PARD3B: variants seen among roughly 807,000 people sequenced by gnomAD.
PARD3B encodes par-3 family cell polarity regulator beta, also known as partitioning defective 3 homolog B.
PARD3B carries 103 observed loss-of-function variants against 130.2 expected under a neutral mutation model. The observed-to-expected ratio is 0.79, with a 90% CI of 0.67 to 0.93. The LOEUF is 0.93. Among genes scored for constraint, PARD3B ranks in the 40% least tolerant of loss-of-function variants. The pLI is 0.00. For synonymous variants in PARD3B, 583 were observed against 553.2 expected (o/e 1.05, Z -0.76); for missense variants, 1,609 against 1,499.2 (o/e 1.07, Z -1.21).
At chr2:204,629,294 C>T (rs1416083268) in intron 1 of PARD3B, among the ~76,000 whole-genome samples, 2 of 152,156 alleles carry the variant, frequency 1.3e-5, no homozygotes, top group Non-Finnish European at 2.9e-5. Flanking sequence ...TAGAGATTTG[C>T]CCCTTCCCTA....
At chr2:205,119,965 T>G (rs188464813) in intron 7 of PARD3B, among the ~76,000 whole-genome samples, 14 of 152,140 alleles carry the variant, frequency 9.2e-5, no homozygotes, top group African/African-American at 3.4e-4. Context: ...TAATAATCCT[T>G]GGGAGTCATC....
At chr2:205,576,512 T>C (rs1467601832) in intron 22 of PARD3B, among the ~76,000 whole-genome samples, 1 of 152,204 alleles carries the variant, frequency 6.6e-6, no homozygotes, top group Admixed American at 6.5e-5. Flanking sequence ...TTTTTGCATG[T>C]GGATGTCCAG....
At chr2:204,778,103 G>T (rs549311654) in intron 2 of PARD3B, among the ~76,000 whole-genome samples, 17 of 144,720 alleles carry the variant, frequency 1.2e-4, no homozygotes, top group Admixed American at 2.1e-4. Flanking sequence ...ATCTTGGGTA[G>T]TATCTTTATA....
rs577878598 is a variant in PARD3B at position 205,343,510 on chromosome 2, A to C, written c.2630+41809A>C. ...CCTACAGGGAAACTTGTGCTCCTTCAATTGTTTCTGCTGCCTTACACATAG... is the reference window on the plus strand; with the variant it reads ...CCTACAGGGAAACTTGTGCTCCTTCCATTGTTTCTGCTGCCTTACACATAG... On this transcript the variant is annotated intron_variant, in intron 18 of 22. Coordinates refer to ENST00000406610, the MANE Select transcript of PARD3B (RefSeq NM_001302769.2). Among the ~76,000 whole-genome samples the C allele has an allele frequency of 2.0e-4, 30 of 152,188 alleles. 1 individual carries two copies. Among genetic ancestry groups the C allele is most frequent in the South Asian group, 4.1e-4 (2 of 4,834 alleles).
intron 22 of PARD3B, among the ~76,000 whole-genome samples, chr2:205,573,309 A>G (rs1040832898): frequency 6.6e-6 from 1 of 152,140 alleles, no homozygotes; most frequent in Non-Finnish European, 1.5e-5. Flanking sequence ...TGTGGGCATC[A>G]AGAGAAAGAC....
intron 22 of PARD3B, among the ~76,000 whole-genome samples, chr2:205,599,347 A>G (rs1320079249): frequency 6.6e-6 from 1 of 152,230 alleles, no homozygotes; most frequent in East Asian, 1.9e-4. Context: ...CACTACATCT[A>G]AAAAGTCTAA....
At chr2:205,482,946 C>T (rs970959113) in intron 20 of PARD3B, among the ~76,000 whole-genome samples, 2 of 152,050 alleles carry the variant, frequency 1.3e-5, no homozygotes, top group African/African-American at 4.8e-5. Context: ...TCTGGACTTA[C>T]ATCTGTCCTC....
intron 2 of PARD3B, among the ~76,000 whole-genome samples, chr2:204,717,824 A>C (rs957531530): frequency 6.6e-6 from 1 of 152,090 alleles, no homozygotes; most frequent in Non-Finnish European, 1.5e-5. Context: ...AGTAGCACAG[A>C]TGTGGCTGCT....
intron 2 of PARD3B, among the ~76,000 whole-genome samples, chr2:204,727,960 G>GGA (rs2039312676): frequency 6.6e-6 from 1 of 152,098 alleles, no homozygotes; most frequent in African/African-American, 2.4e-5. Flanking sequence ...ATTGCAAAAG[G>GGA]GAGAGGCAGC....
intron 4 of PARD3B, among the ~76,000 whole-genome samples, chr2:205,060,811 T>G (rs1700022748): frequency 6.6e-6 from 1 of 152,168 alleles, no homozygotes; most frequent in Admixed American, 6.6e-5. Context: ...GCTTTTATTT[T>G]TAGCTTCTCA....
chr2:204,554,120 A>C (rs1181920151), intron 1 of PARD3B, among the ~76,000 whole-genome samples: 1 of 152,036 alleles, frequency 6.6e-6, no homozygotes, highest in South Asian at 2.1e-4. Context: ...TTTCCTATCT[A>C]TTGTCCATTC....
At chr2:205,109,204 C>A (rs1226998429) in intron 5 of PARD3B, among the ~76,000 whole-genome samples, 1 of 152,194 alleles carries the variant, frequency 6.6e-6, no homozygotes, top group East Asian at 1.9e-4. Flanking sequence ...TTTGCATCCT[C>A]AAGATATTTC....
chr2:204,729,959 A>G (rs2125336378), intron 2 of PARD3B, among the ~76,000 whole-genome samples: 1 of 150,370 alleles, frequency 6.7e-6, no homozygotes, highest in South Asian at 2.1e-4. Context: ...GTAAAGCATT[A>G]TTCTTTCTAC....
At chr2:205,611,051 C>G (rs1308686201) in intron 22 of PARD3B, among the ~76,000 whole-genome samples, 10 of 152,172 alleles carry the variant, frequency 6.6e-5, no homozygotes, top group Non-Finnish European at 5.9e-5. Context: ...CAGTTCCTTC[C>G]TTCAAGATGC....
chr2:205,615,435 T>G (rs1056005048), intron 22 of PARD3B, 21 bp from the exon 23 acceptor site: 1 of 1,557,280 alleles, frequency 6.4e-7, no homozygotes, highest in African/African-American at 1.4e-5. Context: ...TGCTAACATG[T>G]GTCTCTTCTT....
At chr2:205,489,503 A>G (rs2049589592) in intron 20 of PARD3B, among the ~76,000 whole-genome samples, 1 of 144,446 alleles carries the variant, frequency 6.9e-6, no homozygotes, top group African/African-American at 2.5e-5. Context: ...GTGTGTATAT[A>G]TATATACGTA....
intron 20 of PARD3B, among the ~76,000 whole-genome samples, chr2:205,450,455 AAGTGCAG>A (rs1283866252): frequency 6.7e-6 from 1 of 149,682 alleles, no homozygotes; most frequent in African/African-American, 2.5e-5. Context: ...TAAAAAATTT[AAGTGCAG>A]ATTCTTTTTT....
chr2:205,185,984 A>G (rs2036076236), intron 14 of PARD3B, 121 bp downstream of exon 14: 1 of 825,644 alleles, frequency 1.2e-6, no homozygotes, highest in Middle Eastern at 2.3e-4. Flanking sequence ...ATCTTATAGT[A>G]TCTATAATTC....
Position 205,121,439 on chromosome 2 carries a change from A to G in PARD3B, c.807-152A>G. 1 of 707,888 alleles carries G rather than the reference A, an allele frequency of 1.4e-6. No homozygotes were observed. Among genetic ancestry groups the G allele is most frequent in the Non-Finnish European group, 2.4e-6 (1 of 413,206 alleles). 43.9% of individuals were successfully genotyped at this position (707,888 alleles called of 1,614,324 possible). A position where few individuals can be genotyped will look rare whatever the true frequency, so the allele number is the denominator to read the frequency against. On this transcript the variant is annotated intron_variant, in intron 7 of 22. Transcript: ENST00000406610. This position sits in a 1 kb window ranked among gnomAD's most constrained non-coding sequence, Gnocchi z 5.0. ...GTGCAAATAGTAAGTGGTAACTAGT[A>G]TGTAGTTGGCAAAGTCATTCTGATA...
Sources: allele counts gnomAD v4.1 joint callset (sites outside exome capture counted in the v4.1 genomes callset), GRCh38; gene constraint gnomAD v4.1.1; non-coding constraint Gnocchi (gnomAD v3.1); transcripts MANE v1.5; gene names NCBI Gene and HGNC (gene_info 2026-07-23, HGNC 2026-07-21).